The following CUBN variants were observed in gnomAD, a reference collection of about 807,000 sequenced individuals.
CUBN encodes the protein cubilin, also known as 460 kDa receptor.
Under a neutral mutation model 405.3 loss-of-function variants are expected in CUBN, and 282 were observed. That is an observed-to-expected ratio of 0.70 (90% CI 0.63 to 0.77). The LOEUF is 0.77. Among genes scored for constraint, CUBN ranks in the 30% least tolerant of loss-of-function variants. The pLI is 0.00. For synonymous variants in CUBN, 1,684 were observed against 1,617.0 expected (o/e 1.04, Z -0.99); for missense variants, 4,514 against 4,475.2 (o/e 1.01, Z -0.25).
At position 16,888,430 on chromosome 10, in the gene CUBN, G is replaced by A; in HGVS notation, c.8892C>T (p.Ser2964=). 6.2e-7 allele frequency: 1 copy of A among 1,612,960 alleles called. No homozygotes were observed. ...GAATAAACTTACCTTCTAAGTGGAA[G>A]GACACAAAAGTCAAGAGGACCACTG... ...PLSVVLLTFV[S]FHLEARSAVT... is the part of the protein sequence containing the mutation. The change falls in exon 56 of 67, where the codon TCC becomes TCT. Residue 2964 remains serine (S), a synonymous_variant. Transcript: ENST00000377833.
At chr10:17,008,296 T>C (rs1197138964) in intron 28 of CUBN, among the ~76,000 whole-genome samples, 2 of 146,732 alleles carry the variant, frequency 1.4e-5, no homozygotes, top group South Asian at 4.4e-4. Flanking sequence ...GAGAGTAATT[T>C]TTACATTTAT....
intron 27 of CUBN, among the ~76,000 whole-genome samples, chr10:17,039,224 C>T (rs1195801624): frequency 6.6e-6 from 1 of 152,170 alleles, no homozygotes; most frequent in East Asian, 1.9e-4. Context: ...GATCATGAGT[C>T]CTATTTTGGT....
intron 37 of CUBN, among the ~76,000 whole-genome samples, chr10:16,939,829 T>G (rs1842606568): frequency 6.6e-6 from 1 of 152,170 alleles, no homozygotes; most frequent in Non-Finnish European, 1.5e-5. Context: ...ATAGAACCAT[T>G]GAGAGTGCTC....
At chr10:16,838,726 C>A (rs1839252191) in intron 62 of CUBN, among the ~76,000 whole-genome samples, 1 of 152,216 alleles carries the variant, frequency 6.6e-6, no homozygotes, top group Admixed American at 6.5e-5. Flanking sequence ...CTCACTGCAA[C>A]CTCTGCTTCC....
At chr10:17,088,678 G>A (rs1564510954) in intron 14 of CUBN, among the ~76,000 whole-genome samples, 1 of 152,194 alleles carries the variant, frequency 6.6e-6, no homozygotes, top group East Asian at 1.9e-4. Flanking sequence ...ATTAATTTCT[G>A]TATGTGAAAT....
At chr10:17,067,961 C>A in intron 21 of CUBN, 103 bp downstream of exon 21, 1 of 872,408 alleles carries the variant, frequency 1.1e-6, no homozygotes. Flanking sequence ...ATGAGGATCT[C>A]ACCTGGTTTT....
At position 16,824,915 on chromosome 10, in the gene CUBN, A is replaced by G; in HGVS notation, c.*60T>C. ...AGCAGGGGTCATGTATCAGGATGGCAGAGTGCTGTCCAGCGTGCTGCAGAG... is the reference window on the plus strand; with the variant it reads ...AGCAGGGGTCATGTATCAGGATGGCGGAGTGCTGTCCAGCGTGCTGCAGAG... On this transcript the variant is annotated 3_prime_UTR_variant, in exon 67 of 67. Coordinates refer to ENST00000377833, the MANE Select transcript of CUBN (RefSeq NM_001081.4). 1 of 1,172,376 alleles carries G rather than the reference A, an allele frequency of 8.5e-7. No individual in the cohort carries two copies. The highest frequency in any genetic ancestry group is 1.2e-5 in the South Asian group (1 of 80,980). 72.6% of individuals were successfully genotyped at this position (1,172,376 alleles called of 1,614,324 possible). A position where few individuals can be genotyped will look rare whatever the true frequency, so the allele number is the denominator to read the frequency against.
chr10:16,971,541 G>C (rs1832933871), intron 31 of CUBN, among the ~76,000 whole-genome samples: 1 of 152,082 alleles, frequency 6.6e-6, no homozygotes, highest in Admixed American at 6.5e-5. Flanking sequence ...TTGTAAAGTT[G>C]ATTTATAAAT....
rs745654817 is a variant in CUBN at position 16,939,038 on chromosome 10, T to G, written c.5658A>C (p.Ala1886=). The G allele has an allele frequency of 6.2e-7, 1 of 1,613,666 alleles. No individual in the cohort carries two copies. Among genetic ancestry groups the G allele is most frequent in the Non-Finnish European group, 8.5e-7 (1 of 1,179,682 alleles). ...AGATTCTACCATGGACAACGTGAGA[T>G]GCATTCACATTTACTGTCCATTGGT... is the stretch of plus-strand genomic sequence containing the variant. ...SNYQWTVNVN[A]SHVVHGRILE... The change falls in exon 38 of 67, where the codon GCA becomes GCC. Residue 1886 remains alanine (A), a synonymous_variant. Transcript: ENST00000377833.
rs112240611 is a variant in CUBN, at chr10:16,984,382, A to G, written c.4351-103T>C. The G allele has an allele frequency of 2.2e-4, 260 of 1,185,948 alleles. 1 individual carries two copies. The African/African-American group carries it at 3.0e-3, about 14-fold the overall frequency. 73.5% of individuals were successfully genotyped at this position (1,185,948 alleles called of 1,614,324 possible). On this transcript the variant is annotated intron_variant, in intron 29 of 66. Transcript: ENST00000377833. ...CCCCGGCTCCTTGGGTTCTATGATTATTAGAGATTGAAATCTCAGCCTCCC... is the reference window on the plus strand; with the variant it reads ...CCCCGGCTCCTTGGGTTCTATGATTGTTAGAGATTGAAATCTCAGCCTCCC...
At chr10:17,003,701 A>G (rs1833947596) in intron 28 of CUBN, among the ~76,000 whole-genome samples, 1 of 152,164 alleles carries the variant, frequency 6.6e-6, no homozygotes, top group African/African-American at 2.4e-5. Flanking sequence ...CTGTGCCAGG[A>G]TTTATCACAG....
intron 28 of CUBN, among the ~76,000 whole-genome samples, chr10:17,007,682 C>G (rs1834064669): frequency 6.6e-6 from 1 of 152,104 alleles, no homozygotes; most frequent in Non-Finnish European, 1.5e-5. Flanking sequence ...GGAAAAGAGG[C>G]TAGGAGTTTA....
chr10:17,094,464 G>A (rs529546535), intron 14 of CUBN, among the ~76,000 whole-genome samples: 2 of 152,004 alleles, frequency 1.3e-5, no homozygotes, highest in Non-Finnish European at 2.9e-5. Context: ...AAAATGGTCT[G>A]TTTGCAAATG....
At chr10:17,008,525 G>A (rs979034629) in intron 28 of CUBN, among the ~76,000 whole-genome samples, 17 of 150,924 alleles carry the variant, frequency 1.1e-4, no homozygotes, top group African/African-American at 3.7e-4. Flanking sequence ...GTTTCTCTTC[G>A]ACTCAGTTCC....
chr10:17,103,831 G>C (rs966115056), intron 12 of CUBN, among the ~76,000 whole-genome samples: 1 of 152,174 alleles, frequency 6.6e-6, no homozygotes, highest in African/African-American at 2.4e-5. Context: ...GTGTGAGGAG[G>C]TTTATCGGGA....
At chr10:17,060,112 G>T (rs1835472285) in intron 22 of CUBN, among the ~76,000 whole-genome samples, 1 of 146,522 alleles carries the variant, frequency 6.8e-6, no homozygotes, top group African/African-American at 2.7e-5. Flanking sequence ...AACAATCCCT[G>T]GTTTTTCTTT....
intron 27 of CUBN, among the ~76,000 whole-genome samples, chr10:17,024,957 T>G (rs1424220169): frequency 6.6e-6 from 1 of 152,186 alleles, no homozygotes; most frequent in Admixed American, 6.5e-5. Flanking sequence ...GGAGATCAAT[T>G]TTAAGAATTA....
At position 16,851,235 on chromosome 10, in the gene CUBN, C is replaced by G; in HGVS notation, c.9663G>C (p.Lys3221Asn). Residue 3221 changes from lysine to asparagine, a missense_variant and splice_region_variant, in exon 60 of 67, where the codon AAG (lysine) becomes AAC (asparagine). By Grantham distance (94) the Lys-to-Asn change is moderately conservative. Transcript: ENST00000377833. Reference protein sequence around the residue: ...TRQRCLYDYVKLYDGDSENAN... With the variant: ...TRQRCLYDYVNLYDGDSENAN... ...TGTTAAAAAAATAAAACAGCCTTAC[C>G]TTTACATAATCATAAAGGCATCTTT... The G allele has an allele frequency of 6.2e-7, 1 of 1,610,786 alleles. No homozygotes were observed. The highest frequency in any genetic ancestry group is 8.5e-7 in the Non-Finnish European group (1 of 1,177,290).
intron 17 of CUBN, 77 bp downstream of exon 17, chr10:17,084,194 T>C: frequency 6.8e-7 from 1 of 1,462,392 alleles, no homozygotes; most frequent in Non-Finnish European, 9.6e-7. Context: ...CCCAACAATC[T>C]TTTGAAGACC....
Sources: allele counts gnomAD v4.1 joint callset (sites outside exome capture counted in the v4.1 genomes callset), GRCh38; gene constraint gnomAD v4.1.1; transcripts MANE v1.5; gene names NCBI Gene and HGNC (gene_info 2026-07-23, HGNC 2026-07-21).